EAF2: variants seen among roughly 807,000 people sequenced by gnomAD.
EAF2 encodes the protein ELL associated factor 2, also known as ELL-associated factor 2.
Under a neutral mutation model 29.4 loss-of-function variants are expected in EAF2, and 29 were observed. The observed-to-expected ratio is 0.99, with a 90% confidence interval of 0.73 to 1.35. EAF2 has a LOEUF of 1.35. EAF2 is among the 40% of genes most tolerant of loss of function. The probability of loss-of-function intolerance (pLI) is 0.00; values close to 1 mark genes in which losing one functional copy is unlikely to be tolerated. For synonymous variants in EAF2, 103 were observed against 102.5 expected (o/e 1.00, Z -0.03); for missense variants, 292 against 312.0 (o/e 0.94, Z 0.48).
intron 1 of EAF2, chr3:121,836,715 T>A (rs778653477): frequency 3.2e-4 from 317 of 987,702 alleles, no homozygotes; most frequent in Non-Finnish European, 3.7e-4. Flanking sequence ...TTTCCGGAAG[T>A]GTGATATGCG....
intron 5 of EAF2, among the ~76,000 whole-genome samples, chr3:121,876,714 T>C (rs1364342114): frequency 6.6e-6 from 1 of 151,976 alleles, no homozygotes; most frequent in Non-Finnish European, 1.5e-5. Context: ...TATCCTAAAA[T>C]GTTAAGGGTA....
intron 5 of EAF2, among the ~76,000 whole-genome samples, chr3:121,883,871 AT>A (rs1709231923): frequency 6.6e-6 from 1 of 152,254 alleles, no homozygotes; most frequent in African/African-American, 2.4e-5. Context: ...CTAATCTTAT[AT>A]CTTCAAAACT....
At chr3:121,841,578 A>C (rs1708432847) in intron 1 of EAF2, among the ~76,000 whole-genome samples, 2 of 140,970 alleles carry the variant, frequency 1.4e-5, no homozygotes, top group African/African-American at 2.6e-5. Flanking sequence ...AAAGAAATAG[A>C]TAGTTGAGGA....
chr3:121,836,369 CTCTGAA>C (rs1708283785), intron 1 of EAF2: 1 of 152,260 alleles, frequency 6.6e-6, no homozygotes, highest in Non-Finnish European at 1.5e-5. Context: ...ATGGTTTTTA[CTCTGAA>C]ATGTTCCATG....
intron 4 of EAF2, among the ~76,000 whole-genome samples, chr3:121,865,319 T>G (rs1708904923): frequency 6.6e-6 from 1 of 152,154 alleles, no homozygotes; most frequent in Admixed American, 6.6e-5. Context: ...CCATAAAGCT[T>G]TCTATTTCTA....
chr3:121,843,575 A>G (rs1409261984), intron 1 of EAF2, among the ~76,000 whole-genome samples: 2 of 152,138 alleles, frequency 1.3e-5, no homozygotes, highest in East Asian at 1.9e-4. Flanking sequence ...ATAAGGAGCT[A>G]ATGTATATAT....
chr3:121,839,548 A>G (rs1028554966), intron 1 of EAF2, among the ~76,000 whole-genome samples: 5 of 152,292 alleles, frequency 3.3e-5, no homozygotes, highest in Admixed American at 3.3e-4. Flanking sequence ...TTTATTGTCA[A>G]ATATTAATAA....
chr3:121,865,286 G>A (rs549638174), intron 4 of EAF2, among the ~76,000 whole-genome samples: 77 of 147,758 alleles, frequency 5.2e-4, no homozygotes, highest in Admixed American at 1.1e-3. Flanking sequence ...AAAGAAAGTT[G>A]TAGAGGTTAA....
chr3:121,847,214 C>T (rs912434068), intron 2 of EAF2, among the ~76,000 whole-genome samples: 2 of 152,098 alleles, frequency 1.3e-5, no homozygotes, highest in Non-Finnish European at 2.9e-5. Flanking sequence ...CAGGAAATAA[C>T]TGATTAAAAT....
At chr3:121,871,086 A>C (rs1709003586) in intron 4 of EAF2, among the ~76,000 whole-genome samples, 1 of 152,014 alleles carries the variant, frequency 6.6e-6, no homozygotes, top group Admixed American at 6.6e-5. Context: ...GGATTTTCAT[A>C]ACAACTTTAT....
chr3:121,859,615 A>G (rs1407749360), intron 4 of EAF2, among the ~76,000 whole-genome samples: 3 of 152,218 alleles, frequency 2.0e-5, no homozygotes, highest in Non-Finnish European at 2.9e-5. Context: ...GTCATCTGCA[A>G]ACAGGGACAA....
chr3:121,872,818 A>C (rs1709040071), intron 5 of EAF2, 30 bp downstream of exon 5: 4 of 1,585,258 alleles, frequency 2.5e-6, no homozygotes, highest in Non-Finnish European at 3.4e-6. Flanking sequence ...GGCAATTGGA[A>C]AAGTAAGAAT....
chr3:121,858,577 TA>T (rs1248018088), intron 4 of EAF2, among the ~76,000 whole-genome samples: 1 of 152,238 alleles, frequency 6.6e-6, no homozygotes, highest in Non-Finnish European at 1.5e-5. Context: ...TAGCCCTTTG[TA>T]AAATGGGTAA....
intron 4 of EAF2, among the ~76,000 whole-genome samples, chr3:121,866,195 C>T (rs186050032): frequency 1.6e-3 from 243 of 152,250 alleles, no homozygotes; most frequent in Non-Finnish European, 2.5e-3. Flanking sequence ...CTTTCCTTCA[C>T]GTGGCACCAG....
At chr3:121,839,518 A>T (rs980058010) in intron 1 of EAF2, among the ~76,000 whole-genome samples, 1 of 152,210 alleles carries the variant, frequency 6.6e-6, no homozygotes. Flanking sequence ...AAGGTTTTAA[A>T]TATTTATCAT....
At chr3:121,882,122 G>A (rs957664453) in intron 5 of EAF2, among the ~76,000 whole-genome samples, 1 of 152,200 alleles carries the variant, frequency 6.6e-6, no homozygotes, top group African/African-American at 2.4e-5. Context: ...GACGAGGCAG[G>A]TGGGTCACTT....
intron 4 of EAF2, among the ~76,000 whole-genome samples, chr3:121,859,646 A>G (rs185594199): frequency 8.8e-4 from 134 of 152,176 alleles, no homozygotes; most frequent in African/African-American, 3.0e-3. Context: ...TCTTTTCCCA[A>G]TTGAATACCC....
intron 5 of EAF2, among the ~76,000 whole-genome samples, chr3:121,874,023 C>T (rs565278858): frequency 5.9e-5 from 9 of 151,836 alleles, no homozygotes; most frequent in Non-Finnish European, 1.0e-4. Context: ...AGAACAAGGA[C>T]CTTGTTTGTT....
At chr3:121,853,443 G>A (rs1471734661) in intron 2 of EAF2, among the ~76,000 whole-genome samples, 1 of 151,984 alleles carries the variant, frequency 6.6e-6, no homozygotes, top group Non-Finnish European at 1.5e-5. Flanking sequence ...TTTAGAGACA[G>A]GGTCTCACTG....
Sources: gnomAD v4.1 joint callset for allele counts (sites outside exome capture counted in the v4.1 genomes callset) on GRCh38, gnomAD v4.1.1 for gene constraint, MANE v1.5 for transcripts, NCBI Gene and HGNC (gene_info 2026-07-23, HGNC 2026-07-21) for gene names.